IFTAP: variants seen among roughly 807,000 people sequenced by gnomAD.
The protein encoded by IFTAP is intraflagellar transport associated protein.
IFTAP carries 19 observed loss-of-function variants against 19.4 expected under a neutral mutation model. The ratio of observed to expected loss-of-function variants is 0.98; its 90% confidence interval spans 0.68 to 1.44. The LOEUF is 1.44. IFTAP is among the 40% of genes most tolerant of loss of function. IFTAP has a pLI of 0.00. For missense variants in IFTAP, 240 were observed against 253.6 expected (o/e 0.95, Z 0.36); for synonymous variants, 85 against 83.5 (o/e 1.02, Z -0.10).
chr11:36,658,116 C>T (rs1854075131), intron 5 of IFTAP, among the ~76,000 whole-genome samples: 1 of 152,156 alleles, frequency 6.6e-6, no homozygotes, highest in South Asian at 2.1e-4. Context: ...ATCTTCCATG[C>T]AAGAATATTT....
intron 1 of IFTAP, among the ~76,000 whole-genome samples, chr11:36,606,404 A>G (rs1188727863): frequency 6.6e-6 from 1 of 152,248 alleles, no homozygotes; most frequent in African/African-American, 2.4e-5. Context: ...CAGAGGTTGC[A>G]GTGAGCCGAG....
intron 5 of IFTAP, among the ~76,000 whole-genome samples, chr11:36,650,842 G>A (rs901186559): frequency 6.6e-6 from 1 of 152,112 alleles, no homozygotes; most frequent in Non-Finnish European, 1.5e-5. Context: ...TGCTGAGAAT[G>A]ATGGTTTCCA....
intron 5 of IFTAP, among the ~76,000 whole-genome samples, chr11:36,658,372 A>G (rs952480125): frequency 6.6e-6 from 1 of 152,156 alleles, no homozygotes; most frequent in Non-Finnish European, 1.5e-5. Flanking sequence ...AAAACTCACA[A>G]ATTATGAATA....
chr11:36,603,079 G>A (rs1395114693), intron 1 of IFTAP, among the ~76,000 whole-genome samples: 1 of 152,180 alleles, frequency 6.6e-6, no homozygotes, highest in African/African-American at 2.4e-5. Context: ...ACCTGCCTCA[G>A]TGAGTCAATG....
intron 1 of IFTAP, among the ~76,000 whole-genome samples, chr11:36,606,892 A>G (rs1851712922): frequency 1.3e-5 from 2 of 152,208 alleles, no homozygotes; most frequent in South Asian, 4.1e-4. Flanking sequence ...GAGTTTACTT[A>G]TCATTATTTA....
chr11:36,618,018 A>G (rs1200581596), intron 2 of IFTAP, among the ~76,000 whole-genome samples: 1 of 152,056 alleles, frequency 6.6e-6, no homozygotes, highest in South Asian at 2.1e-4. Flanking sequence ...TTTAATCATT[A>G]TAATGACCTA....
chr11:36,645,139 A>G (rs1853427755), intron 4 of IFTAP, among the ~76,000 whole-genome samples: 2 of 152,146 alleles, frequency 1.3e-5, no homozygotes, highest in South Asian at 2.1e-4. Context: ...GGTTAATTTT[A>G]TAAATATGCC....
chr11:36,649,192 A>C (rs184516810), intron 5 of IFTAP, among the ~76,000 whole-genome samples: 22 of 151,814 alleles, frequency 1.4e-4, no homozygotes, highest in African/African-American at 5.4e-4. Context: ...AGAATTAGCC[A>C]TTCAGTCATA....
At chr11:36,647,656 G>A (rs1320297654) in intron 4 of IFTAP, among the ~76,000 whole-genome samples, 1 of 151,910 alleles carries the variant, frequency 6.6e-6, no homozygotes, top group Non-Finnish European at 1.5e-5. Flanking sequence ...ATCCCTCCAG[G>A]AAAATATGGG....
At chr11:36,608,696 G>A (rs1851776795) in intron 1 of IFTAP, among the ~76,000 whole-genome samples, 1 of 152,194 alleles carries the variant, frequency 6.6e-6, no homozygotes, top group Non-Finnish European at 1.5e-5. Flanking sequence ...GTGAATGTGA[G>A]CTCTAGCTGT....
intron 1 of IFTAP, among the ~76,000 whole-genome samples, chr11:36,605,244 T>C (rs1282864048): frequency 6.6e-6 from 1 of 152,044 alleles, no homozygotes; most frequent in Non-Finnish European, 1.5e-5. Flanking sequence ...TTGATAGACC[T>C]GCACAACTCT....
At chr11:36,602,717 G>A (rs1250789393) in intron 1 of IFTAP, among the ~76,000 whole-genome samples, 1 of 152,016 alleles carries the variant, frequency 6.6e-6, no homozygotes, top group Non-Finnish European at 1.5e-5. Flanking sequence ...TGAAATATGG[G>A]TATGGCAAAT....
At chr11:36,605,246 C>G (rs1259563628) in intron 1 of IFTAP, among the ~76,000 whole-genome samples, 1 of 151,748 alleles carries the variant, frequency 6.6e-6, no homozygotes, top group East Asian at 1.9e-4. Flanking sequence ...GATAGACCTG[C>G]ACAACTCTCA....
chr11:36,623,960 T>C (rs1317462676), intron 2 of IFTAP, among the ~76,000 whole-genome samples: 1 of 151,788 alleles, frequency 6.6e-6, no homozygotes, highest in Non-Finnish European at 1.5e-5. Flanking sequence ...TAGAAAAAAA[T>C]GTAAAATTAT....
chr11:36,640,805 C>A (rs1853166166), intron 4 of IFTAP, among the ~76,000 whole-genome samples: 1 of 151,970 alleles, frequency 6.6e-6, no homozygotes, highest in Non-Finnish European at 1.5e-5. Flanking sequence ...TGAAATATGT[C>A]AACATTTGGA....
intron 1 of IFTAP, among the ~76,000 whole-genome samples, chr11:36,596,066 G>A (rs951084881): frequency 2.6e-4 from 40 of 152,274 alleles, no homozygotes; most frequent in Middle Eastern, 3.4e-3. Context: ...GGGATAGCAC[G>A]TGTAAATCAC....
chr11:36,627,772 C>T (rs1852569317), intron 2 of IFTAP, among the ~76,000 whole-genome samples: 1 of 150,998 alleles, frequency 6.6e-6, no homozygotes, highest in Non-Finnish European at 1.5e-5. Context: ...GGCCTCTTGG[C>T]ACCAAACTGT....
chr11:36,658,289 C>A (rs139848272), intron 5 of IFTAP, among the ~76,000 whole-genome samples: 5 of 152,176 alleles, frequency 3.3e-5, no homozygotes, highest in Admixed American at 2.0e-4. Context: ...GGGGGCGATA[C>A]AAGAGATTTA....
chr11:36,645,097 G>A (rs990471259), intron 4 of IFTAP, among the ~76,000 whole-genome samples: 1 of 151,828 alleles, frequency 6.6e-6, no homozygotes, highest in African/African-American at 2.4e-5. Flanking sequence ...AGGAAATGTT[G>A]GCCATTTTAT....
Sources: gnomAD v4.1 joint callset for allele counts (sites outside exome capture counted in the v4.1 genomes callset) on GRCh38, gnomAD v4.1.1 for gene constraint, MANE v1.5 for transcripts, NCBI Gene and HGNC (gene_info 2026-07-23, HGNC 2026-07-21) for gene names.